LARGE1: variants seen among roughly 807,000 people sequenced by gnomAD.
The protein encoded by LARGE1 is xylosyl- and glucuronyltransferase LARGE1.
In LARGE1, 43 loss-of-function variants were observed where a neutral mutation model predicts 87.6. That is an observed-to-expected ratio of 0.49 (90% confidence interval 0.38 to 0.63). The LOEUF is 0.63. Ranked by LOEUF, LARGE1 falls within the 30% of genes least tolerant of loss-of-function variation. LARGE1 has a pLI of 0.00. For missense variants in LARGE1, 802 were observed against 1,000.2 expected (o/e 0.80, Z 2.67); for synonymous variants, 434 against 394.6 (o/e 1.10, Z -1.18).
At chr22:33,466,237 T>C in intron 6 of LARGE1, among the ~76,000 whole-genome samples, 1 of 152,164 alleles carries the variant, frequency 6.6e-6, no homozygotes, top group East Asian at 1.9e-4. Flanking sequence ...CTTGAATTTC[T>C]CCTCCTTGGA....
chr22:33,852,349 T>C (rs1568986713), intron 1 of LARGE1, among the ~76,000 whole-genome samples: 1 of 152,086 alleles, frequency 6.6e-6, no homozygotes, highest in Non-Finnish European at 1.5e-5. Context: ...AAGTAATTAA[T>C]AGTCACTTTT....
chr22:33,918,657 A>C (rs5754758), intron 1 of LARGE1, among the ~76,000 whole-genome samples: 126,008 of 152,220 alleles, frequency 0.83, 52,344 homozygotes, highest in East Asian at 1. Context: ...GAGAAGAAAC[A>C]ACCACCACTT....
At chr22:33,810,194 T>A (rs1340265369) in intron 1 of LARGE1, among the ~76,000 whole-genome samples, 1 of 152,206 alleles carries the variant, frequency 6.6e-6, no homozygotes, top group East Asian at 1.9e-4. Context: ...AAAATAGGTA[T>A]TGCTGTTTTC....
chr22:33,676,693 G>A (rs2081589703), intron 2 of LARGE1, among the ~76,000 whole-genome samples: 1 of 151,994 alleles, frequency 6.6e-6, no homozygotes, highest in African/African-American at 2.4e-5. Flanking sequence ...ACAGGGGTTG[G>A]CAAACTTTTC....
intron 9 of LARGE1, among the ~76,000 whole-genome samples, chr22:33,370,696 T>G (rs993575719): frequency 6.6e-6 from 1 of 151,788 alleles, no homozygotes; most frequent in Non-Finnish European, 1.5e-5. Flanking sequence ...TTATATAATA[T>G]GTTATGTTGT....
intron 11 of LARGE1, among the ~76,000 whole-genome samples, chr22:33,244,825 T>C (rs1926681956): frequency 1.3e-5 from 2 of 152,100 alleles, no homozygotes; most frequent in African/African-American, 4.8e-5. Flanking sequence ...TCATGGAGTG[T>C]ACGTAAGGAG....
chr22:33,673,166 T>C (rs2081468185), intron 2 of LARGE1, among the ~76,000 whole-genome samples: 1 of 152,076 alleles, frequency 6.6e-6, no homozygotes, highest in South Asian at 2.1e-4. Context: ...TCCCATCTAC[T>C]CGGGAGTCTG....
At chr22:33,349,038 G>A (rs1025533941) in intron 9 of LARGE1, among the ~76,000 whole-genome samples, 5 of 152,058 alleles carry the variant, frequency 3.3e-5, no homozygotes, top group African/African-American at 1.2e-4. Flanking sequence ...ATGATTGTGA[G>A]GCCTCCACCT....
Position 33,657,497 on chromosome 22 carries a change from A to G in LARGE1, c.107-6829T>C, listed in dbSNP as rs533674637. Among the ~76,000 whole-genome samples the G allele has an allele frequency of 4.7e-4, 72 of 152,264 alleles. No homozygotes were observed. The East Asian group carries it at 0.012, about 25-fold the overall frequency. ...AGGCTATGCTATCTCTGCTTCAAGC[A>G]CTTGACTGCCATTGTAGCATAAAAG... On this transcript the variant is annotated intron_variant, in intron 2 of 14. Coordinates refer to ENST00000397394, the MANE Select transcript of LARGE1 (RefSeq NM_133642.5).
chr22:33,879,300 G>T (rs1374932586), intron 1 of LARGE1, among the ~76,000 whole-genome samples: 1 of 152,126 alleles, frequency 6.6e-6, no homozygotes, highest in Non-Finnish European at 1.5e-5. Context: ...AAGAACAGGG[G>T]ATGCCTCAGG....
At chr22:33,763,266 A>G (rs1340417387) in intron 1 of LARGE1, among the ~76,000 whole-genome samples, 1 of 152,214 alleles carries the variant, frequency 6.6e-6, no homozygotes, top group Non-Finnish European at 1.5e-5. Context: ...AGTTGCCAAT[A>G]ATAAACACCT....
intron 1 of LARGE1, among the ~76,000 whole-genome samples, chr22:33,807,004 G>A (rs931807685): frequency 7.7e-6 from 1 of 129,252 alleles, no homozygotes; most frequent in African/African-American, 3.0e-5. Context: ...GTGAGACTCC[G>A]TCTCAAAAAA....
intron 2 of LARGE1, among the ~76,000 whole-genome samples, chr22:33,709,849 A>C (rs1000435450): frequency 1.1e-4 from 17 of 148,926 alleles, no homozygotes; most frequent in African/African-American, 3.9e-4. Flanking sequence ...CTGGTCTCAA[A>C]CTCCTGACCT....
At chr22:33,304,179 T>A (rs992839316) in intron 12 of LARGE1, 50 bp downstream of exon 12, 6 of 1,603,702 alleles carry the variant, frequency 3.7e-6, no homozygotes, top group Middle Eastern at 1.7e-4. Context: ...TGGCACTGCA[T>A]GGCCCTATGT....
At chr22:33,276,447 C>G (rs1252403494) in intron 14 of LARGE1, among the ~76,000 whole-genome samples, 1 of 152,142 alleles carries the variant, frequency 6.6e-6, no homozygotes, top group Non-Finnish European at 1.5e-5. Context: ...ACCTGTAGGT[C>G]CCATGAAGCT....
chr22:33,863,700 G>A (rs1448727536), intron 1 of LARGE1, among the ~76,000 whole-genome samples: 3 of 151,994 alleles, frequency 2.0e-5, no homozygotes, highest in African/African-American at 4.8e-5. Context: ...CCCAGGAGGC[G>A]GAGGTTGCAG....
At chr22:33,076,285 C>T in the LARGE1 span, among the ~76,000 whole-genome samples, 5 of 152,096 alleles carry the variant, frequency 3.3e-5, no homozygotes, top group African/African-American at 1.2e-4. Context: ...GTAAACACAC[C>T]CATGTCACTG....
chr22:33,197,918 A>C (rs1924161269), intron 11 of LARGE1, among the ~76,000 whole-genome samples: 1 of 25,872 alleles, frequency 3.9e-5, no homozygotes, highest in South Asian at 8.3e-4. Flanking sequence ...ATAAACAGAC[A>C]TATGGATCAA....
chr22:33,185,105 A>G (rs1923406681), intron 11 of LARGE1, among the ~76,000 whole-genome samples: 1 of 152,198 alleles, frequency 6.6e-6, no homozygotes, highest in Admixed American at 6.5e-5. Flanking sequence ...CTTTATTTGA[A>G]CATTGATAGT....
Sources: gnomAD v4.1 joint callset for allele counts (sites outside exome capture counted in the v4.1 genomes callset) on GRCh38, gnomAD v4.1.1 for gene constraint, MANE v1.5 for transcripts, NCBI Gene and HGNC (gene_info 2026-07-23, HGNC 2026-07-21) for gene names.